CTNNA3: variants seen among roughly 807,000 people sequenced by gnomAD.
The protein encoded by CTNNA3 is catenin alpha-3.
CTNNA3 carries 76 observed loss-of-function variants against 95.7 expected under a neutral mutation model. The observed-to-expected ratio is 0.79, with a 90% CI of 0.66 to 0.96. The LOEUF (loss-of-function observed/expected upper bound fraction) is 0.96. Among genes scored for constraint, CTNNA3 ranks in the 40% least tolerant of loss-of-function variants. The pLI is 0.00. For synonymous variants in CTNNA3, 431 were observed against 374.4 expected, an observed-to-expected ratio of 1.15 and a Z score of -1.74; for missense variants, 1,191 against 1,089.8, an observed-to-expected ratio of 1.09 and a Z score of -1.31.
chr10:67,318,132 C>T, intron 5 of CTNNA3, among the ~76,000 whole-genome samples: 1 of 151,980 alleles, frequency 6.6e-6, no homozygotes, highest in East Asian at 1.9e-4. Flanking sequence ...TTGTTTTACC[C>T]CCTACTTACT....
In CTNNA3 at chr10:66,927,966, T is replaced by A; in HGVS notation, c.1048-152442A>T. 1 of 1,614,120 alleles carries A rather than the reference T, an allele frequency of 6.2e-7. No homozygotes were observed. Among genetic ancestry groups the A allele is most frequent in the Non-Finnish European group, 8.5e-7 (1 of 1,180,028 alleles). On this transcript the variant is annotated intron_variant, in intron 7 of 17. Coordinates refer to ENST00000433211, the MANE Select transcript of CTNNA3 (RefSeq NM_013266.4). This position sits in a 1 kb window ranked among gnomAD's most constrained non-coding sequence, Gnocchi z 4.7. Reference sequence around the variant, plus strand: ...GTCCCAAAGAGCTGCAAGGAGTAAATGTGATCGATGCAGTGAAGAACTACA... The same window carrying A: ...GTCCCAAAGAGCTGCAAGGAGTAAAAGTGATCGATGCAGTGAAGAACTACA...
intron 3 of CTNNA3, among the ~76,000 whole-genome samples, chr10:67,546,956 T>A (rs1840862389): frequency 6.6e-6 from 1 of 152,170 alleles, no homozygotes; most frequent in Non-Finnish European, 1.5e-5. Context: ...TGCTTTGAAG[T>A]TGAAAGTTAA....
chr10:67,596,880 T>A (rs1390066235), intron 3 of CTNNA3, among the ~76,000 whole-genome samples: 1 of 152,354 alleles, frequency 6.6e-6, no homozygotes, highest in East Asian at 1.9e-4. Context: ...ATTCTCTCTT[T>A]CCCTCTCTTT....
At chr10:67,028,592 A>T (rs1589627915) in intron 7 of CTNNA3, among the ~76,000 whole-genome samples, 1 of 151,672 alleles carries the variant, frequency 6.6e-6, no homozygotes, top group East Asian at 2.0e-4. Flanking sequence ...TGCAATGAGA[A>T]TTTTCCAGGC....
rs2080633973 is a variant in CTNNA3, at chr10:66,078,867, A to T, written c.1978-9378T>A. On this transcript the variant is annotated intron_variant, in intron 14 of 17. Coordinates refer to ENST00000433211, the MANE Select transcript of CTNNA3 (RefSeq NM_013266.4). ...ATCAAACAATGCTCTCTAAAAGTCT[A>T]TTTTATTCACAAGAATGCCTTTAAG... 4 of 151,920 alleles carry T rather than the reference A, an allele frequency of 2.6e-5. No homozygotes were observed. The South Asian group carries it at 8.3e-4, about 31-fold the overall frequency. The allele number at this position is 151,920 out of a possible 1,614,324, so 9.4% of individuals were successfully genotyped here.
intron 12 of CTNNA3, among the ~76,000 whole-genome samples, chr10:66,358,835 C>A (rs1191500313): frequency 6.6e-6 from 1 of 152,150 alleles, no homozygotes; most frequent in Non-Finnish European, 1.5e-5. Flanking sequence ...TAGATTCCTA[C>A]TTTTGTTCTT....
chr10:66,954,751 G>A (rs114316460), intron 7 of CTNNA3, among the ~76,000 whole-genome samples: 3,529 of 152,156 alleles, frequency 0.023, 132 homozygotes, highest in African/African-American at 0.081. Context: ...CTTCCTTGGC[G>A]GAATCGACTG....
intron 1 of CTNNA3, among the ~76,000 whole-genome samples, chr10:67,740,935 T>C (rs1447443829): frequency 1.3e-5 from 2 of 151,280 alleles, no homozygotes; most frequent in Non-Finnish European, 3.0e-5. Context: ...ATAGACTGGA[T>C]TAAGAAAATG....
chr10:67,724,679 G>A (rs906380864), intron 1 of CTNNA3, among the ~76,000 whole-genome samples: 5 of 152,172 alleles, frequency 3.3e-5, no homozygotes, highest in Non-Finnish European at 5.9e-5. Context: ...TTCAGCCAGC[G>A]TTCCAGTTTT....
chr10:66,095,422 G>T lies in CTNNA3; in HGVS notation c.1977+7735C>A, dbSNP rs549954699. ...TGATTAATGAAATTTTATCTATATT[G>T]ATTAAAACTGTTTTTTATAATAAGC... On this transcript the variant is annotated intron_variant, in intron 14 of 17. Coordinates refer to ENST00000433211, the MANE Select transcript of CTNNA3 (RefSeq NM_013266.4). Among the ~76,000 whole-genome samples the T allele has an allele frequency of 2.1e-4, 32 of 152,148 alleles. No individual in the cohort carries two copies. In the South Asian group the frequency reaches 4.8e-3, roughly 23 times the overall value.
intron 7 of CTNNA3, among the ~76,000 whole-genome samples, chr10:66,852,229 A>G (rs1049432061): frequency 2.0e-5 from 3 of 152,164 alleles, no homozygotes; most frequent in African/African-American, 7.2e-5. Flanking sequence ...TCTTGATATC[A>G]TATGTTATTA....
chr10:66,129,264 C>CA (rs761481983), intron 13 of CTNNA3, among the ~76,000 whole-genome samples: 3 of 152,106 alleles, frequency 2.0e-5, no homozygotes, highest in Non-Finnish European at 4.4e-5. Context: ...AACTCTGTCT[C>CA]AAAAAACAAA....
At chr10:66,110,595 C>T (rs942799638) in intron 13 of CTNNA3, among the ~76,000 whole-genome samples, 1 of 152,024 alleles carries the variant, frequency 6.6e-6, no homozygotes, top group African/African-American at 2.4e-5. Context: ...CATCTTAATA[C>T]CAGAATTTAA....
chr10:67,543,913 C>T (rs1282307668), intron 3 of CTNNA3, among the ~76,000 whole-genome samples: 1 of 152,034 alleles, frequency 6.6e-6, no homozygotes, highest in Non-Finnish European at 1.5e-5. Context: ...AGGATGACCT[C>T]AATTCGATCC....
At chr10:66,961,258 A>T (rs1849095456) in intron 7 of CTNNA3, among the ~76,000 whole-genome samples, 1 of 151,956 alleles carries the variant, frequency 6.6e-6, no homozygotes, top group Non-Finnish European at 1.5e-5. Flanking sequence ...AGTTCATCTC[A>T]TTCTCTCTCT....
chr10:67,317,638 G>A (rs186813838), intron 5 of CTNNA3, among the ~76,000 whole-genome samples: 282 of 152,202 alleles, frequency 1.9e-3, no homozygotes, highest in African/African-American at 6.5e-3. Flanking sequence ...TGTTAGCCAG[G>A]ATGGTGTCGA....
chr10:66,736,560 A>G (rs540082094), intron 9 of CTNNA3, among the ~76,000 whole-genome samples: 1 of 151,980 alleles, frequency 6.6e-6, no homozygotes, highest in African/African-American at 2.4e-5. Flanking sequence ...GCTCCATCTT[A>G]CCTGTTTATT....
chr10:67,046,866 G>T (rs572081579), intron 7 of CTNNA3, among the ~76,000 whole-genome samples: 1 of 152,182 alleles, frequency 6.6e-6, no homozygotes, highest in Non-Finnish European at 1.5e-5. Context: ...AGGAATTAAG[G>T]GTCCAAAGAA....
chr10:67,527,022 C>T (rs899281130), intron 4 of CTNNA3, among the ~76,000 whole-genome samples: 3 of 152,014 alleles, frequency 2.0e-5, no homozygotes, highest in Admixed American at 6.6e-5. Context: ...TTTGGGAGGC[C>T]GAGGCTGGCA....
Sources: allele counts gnomAD v4.1 joint callset (sites outside exome capture counted in the v4.1 genomes callset), GRCh38; gene constraint gnomAD v4.1.1; non-coding constraint Gnocchi (gnomAD v3.1); transcripts MANE v1.5; gene names NCBI Gene and HGNC (gene_info 2026-07-23, HGNC 2026-07-21).